The following PAWR variants were observed in gnomAD, a reference collection of about 807,000 sequenced individuals.
The protein encoded by PAWR is PRKC apoptosis WT1 regulator protein.
Under a neutral mutation model 32.0 loss-of-function variants are expected in PAWR, and 23 were observed. The observed-to-expected ratio is 0.72, with a 90% CI of 0.52 to 1.02. The LOEUF is 1.02. PAWR is among the 50% of genes least tolerant of loss of function. The pLI is 0.00. For synonymous variants in PAWR, 226 were observed against 187.1 expected (o/e 1.21, Z -1.70); for missense variants, 457 against 437.7 (o/e 1.04, Z -0.39).
intron 2 of PAWR, among the ~76,000 whole-genome samples, chr12:79,651,243 G>C (rs1480632169): frequency 6.6e-6 from 1 of 152,038 alleles, no homozygotes; most frequent in Non-Finnish European, 1.5e-5. Context: ...CTTCACACTT[G>C]AATTTTTATT....
intron 2 of PAWR, among the ~76,000 whole-genome samples, chr12:79,660,430 TAAG>T (rs1877292934): frequency 6.6e-6 from 1 of 152,154 alleles, no homozygotes. Context: ...AAGTGTGTTA[TAAG>T]AAGCCTTCCA....
At chr12:79,655,109 T>A (rs3842842) in intron 2 of PAWR, among the ~76,000 whole-genome samples, 34,947 of 152,212 alleles carry the variant, frequency 0.23, 10,826 homozygotes, top group African/African-American at 0.71. Flanking sequence ...TAGCATCTCT[T>A]TTAGTTTTCT....
intron 2 of PAWR, among the ~76,000 whole-genome samples, chr12:79,631,262 A>G (rs1875610957): frequency 6.6e-6 from 1 of 152,202 alleles, no homozygotes; most frequent in African/African-American, 2.4e-5. Context: ...AGATGCTTTC[A>G]CCATTTTTGC....
At chr12:79,628,642 G>C (rs1167597301) in intron 2 of PAWR, among the ~76,000 whole-genome samples, 1 of 151,932 alleles carries the variant, frequency 6.6e-6, no homozygotes, top group Non-Finnish European at 1.5e-5. Flanking sequence ...TATAAAAAAA[G>C]GTTAAATGAA....
chr12:79,678,180 A>C (rs1481475899), intron 2 of PAWR, among the ~76,000 whole-genome samples: 1 of 152,184 alleles, frequency 6.6e-6, no homozygotes, highest in African/African-American at 2.4e-5. Context: ...CCTCCGAACA[A>C]GACAATCCTT....
chr12:79,601,207 A>ATTTT (rs534042888), intron 4 of PAWR, among the ~76,000 whole-genome samples: 4 of 118,500 alleles, frequency 3.4e-5, no homozygotes, highest in South Asian at 2.8e-4. Context: ...GGAAACCTGA[A>ATTTT]TTTTTTTTTT....
chr12:79,591,372 C>A lies in PAWR; in HGVS notation c.*1235G>T, dbSNP rs1351972113. The A allele has an allele frequency of 6.6e-6, 1 of 152,096 alleles. No individual in the cohort carries two copies. Among genetic ancestry groups the A allele is most frequent in the East Asian group, 1.9e-4 (1 of 5,202 alleles). The allele number at this position is 152,096 out of a possible 1,614,324, so 9.4% of individuals were successfully genotyped here. A position where few individuals can be genotyped will look rare whatever the true frequency, so the allele number is the denominator to read the frequency against. ...AAAATGGATTTGACTATATTCAAGC[C>A]ACTTTCATATATTAACTAGATAAAA... On this transcript the variant is annotated 3_prime_UTR_variant, in exon 7 of 7. Coordinates refer to ENST00000328827, the MANE Select transcript of PAWR (RefSeq NM_002583.4).
intron 2 of PAWR, among the ~76,000 whole-genome samples, chr12:79,656,945 AAGGTAGCTAGTTTTC>A (rs567310952): frequency 1.5e-3 from 221 of 152,286 alleles, no homozygotes; most frequent in Non-Finnish European, 2.3e-3. Context: ...CAGGAATGCC[AAGGTAGCTAGTTTTC>A]AGGTCAGAGT....
chr12:79,660,773 G>A (rs1050705010), intron 2 of PAWR, among the ~76,000 whole-genome samples: 3 of 151,518 alleles, frequency 2.0e-5, no homozygotes, highest in Admixed American at 1.3e-4. Context: ...TACTAGAGAC[G>A]GGGTTTCACC....
At position 79,588,884 on chromosome 12, in the gene PAWR, T is replaced by C. The variant is rs181384176; in HGVS notation, c.*3723A>G. 33 of 152,144 alleles carry C rather than the reference T, an allele frequency of 2.2e-4. No homozygotes were observed. In the East Asian group the frequency reaches 6.4e-3, roughly 29 times the overall value. The allele number at this position is 152,144 out of a possible 1,614,324, so 9.4% of individuals were successfully genotyped here. On this transcript the variant is annotated 3_prime_UTR_variant, in exon 7 of 7. Coordinates refer to ENST00000328827, the MANE Select transcript of PAWR (RefSeq NM_002583.4). The stretch of plus-strand genomic sequence containing the variant: ...AACTGGGAAACAATCAACTTCCATA[T>C]ATCCAGGAGAAACTTAGCATGGGGG...
chr12:79,611,201 T>C (rs1159516801), intron 4 of PAWR, among the ~76,000 whole-genome samples: 1 of 146,394 alleles, frequency 6.8e-6, no homozygotes, highest in Non-Finnish European at 1.5e-5. Context: ...TATAGATATT[T>C]ATATATAAAA....
At chr12:79,618,596 T>G (rs979476307) in intron 3 of PAWR, among the ~76,000 whole-genome samples, 4 of 152,226 alleles carry the variant, frequency 2.6e-5, no homozygotes, top group African/African-American at 9.6e-5. Flanking sequence ...TCCATCTACC[T>G]TAGCCTCTGG....
At chr12:79,614,534 C>T (rs1874634415) in intron 3 of PAWR, among the ~76,000 whole-genome samples, 1 of 152,048 alleles carries the variant, frequency 6.6e-6, no homozygotes, top group Non-Finnish European at 1.5e-5. Context: ...AAAATTGTTA[C>T]CTTGCAAATA....
chr12:79,645,786 T>C (rs1202605738), intron 2 of PAWR, among the ~76,000 whole-genome samples: 1 of 152,242 alleles, frequency 6.6e-6, no homozygotes, highest in African/African-American at 2.4e-5. Context: ...TATTAGCTCC[T>C]AACTATAGTG....
At chr12:79,683,287 A>G (rs970442292) in intron 2 of PAWR, among the ~76,000 whole-genome samples, 1 of 152,242 alleles carries the variant, frequency 6.6e-6, no homozygotes, top group Admixed American at 6.5e-5. Context: ...GGGCATTTTT[A>G]TAACATTTTC....
intron 4 of PAWR, among the ~76,000 whole-genome samples, chr12:79,608,087 A>G (rs1239368995): frequency 1.3e-5 from 2 of 152,178 alleles, no homozygotes; most frequent in Middle Eastern, 3.2e-3. Context: ...CATCTAGGAA[A>G]AAAAGTTAAC....
Position 79,596,658 on chromosome 12 carries a change from GC to G in PAWR, c.684-1del. On this transcript the variant is annotated splice_acceptor_variant, in intron 4 of 6. Transcript: ENST00000328827. LOFTEE classifies it high-confidence loss of function. ...CATCTTCTTCAGAGACACTGGTTGT[GC>G]TGTGGAAATATAAACATTTTATTAA... The G allele has an allele frequency of 6.4e-7, 1 of 1,560,974 alleles. No homozygotes were observed. The highest frequency in any genetic ancestry group is 8.6e-7 in the Non-Finnish European group (1 of 1,157,074).
chr12:79,689,640 T>C, intron 2 of PAWR, 89 bp downstream of exon 2: 1 of 1,433,738 alleles, frequency 7.0e-7, no homozygotes, highest in Non-Finnish European at 9.3e-7. Context: ...GGAGGTAAAC[T>C]CTGCGCCCCG....
rs1452546647 is a variant in PAWR at position 79,591,408 on chromosome 12, C to T, written c.*1199G>A. ...ATTAACTAGATAAAAGGATACCATA[C>T]TGCTATTTGAAATTCAATCACAAAG... is the stretch of plus-strand genomic sequence containing the variant. On this transcript the variant is annotated 3_prime_UTR_variant, in exon 7 of 7. Transcript: ENST00000328827. 6 of 152,128 alleles carry T rather than the reference C, an allele frequency of 3.9e-5. No homozygotes were observed. The highest frequency in any genetic ancestry group is 7.2e-5 in the African/African-American group (3 of 41,428). 9.4% of individuals were successfully genotyped at this position (152,128 alleles called of 1,614,324 possible).
Sources: gnomAD v4.1 joint callset for allele counts (sites outside exome capture counted in the v4.1 genomes callset) on GRCh38, gnomAD v4.1.1 for gene constraint, MANE v1.5 for transcripts, NCBI Gene and HGNC (gene_info 2026-07-23, HGNC 2026-07-21) for gene names.